Variants in FER observed in about 807,000 individuals in gnomAD.
FER encodes FER tyrosine kinase, also known as tyrosine-protein kinase Fer.
In FER, 63 loss-of-function variants were observed where a neutral mutation model predicts 111.0. The observed-to-expected ratio is 0.57, with a 90% CI of 0.46 to 0.70. The LOEUF is 0.70. Among genes scored for constraint, FER ranks in the 30% least tolerant of loss-of-function variants. The pLI is 0.00. For missense variants in FER, 914 were observed against 954.0 expected, an observed-to-expected ratio of 0.96 and a Z score of 0.55; for synonymous variants, 327 against 313.9, an observed-to-expected ratio of 1.04 and a Z score of -0.44.
At chr5:108,895,021 G>T (rs889092632) in intron 9 of FER, among the ~76,000 whole-genome samples, 2 of 152,086 alleles carry the variant, frequency 1.3e-5, no homozygotes, top group Admixed American at 1.3e-4. Context: ...GATTGTTGTA[G>T]TTAGAGAATC....
At chr5:109,175,273 TTC>T (rs747629458) in intron 17 of FER, among the ~76,000 whole-genome samples, 5 of 152,350 alleles carry the variant, frequency 3.3e-5, no homozygotes, top group Middle Eastern at 3.4e-3. Flanking sequence ...ACTGACTACT[TTC>T]TGTTTAAGTG....
At chr5:109,145,926 T>A (rs978392260) in intron 17 of FER, among the ~76,000 whole-genome samples, 1 of 148,514 alleles carries the variant, frequency 6.7e-6, no homozygotes, top group Non-Finnish European at 1.5e-5. Context: ...TGTTATTATT[T>A]AAAAAAAAAA....
At chr5:109,100,797 A>G (rs1249114286) in intron 17 of FER, among the ~76,000 whole-genome samples, 1 of 151,878 alleles carries the variant, frequency 6.6e-6, no homozygotes, top group Admixed American at 6.6e-5. Context: ...GGAATGTACT[A>G]CAATTTAGTA....
chr5:108,753,155 A>G (rs1580367717), intron 1 of FER, among the ~76,000 whole-genome samples: 1 of 152,152 alleles, frequency 6.6e-6, no homozygotes, highest in East Asian at 1.9e-4. Flanking sequence ...GGAAGTATTC[A>G]GCTTCTGTAT....
chr5:108,817,385 A>G (rs1398896560), intron 3 of FER, among the ~76,000 whole-genome samples: 3 of 152,164 alleles, frequency 2.0e-5, no homozygotes, highest in African/African-American at 4.8e-5. Flanking sequence ...CAAACTCACA[A>G]TAAAAACTGT....
chr5:109,105,252 GT>G (rs1748763263), intron 17 of FER, among the ~76,000 whole-genome samples: 1 of 148,124 alleles, frequency 6.8e-6, no homozygotes, highest in Admixed American at 6.7e-5. Context: ...GTGTGTGTGT[GT>G]GTGTGTGTGT....
Position 109,113,929 on chromosome 5 carries a change from A to G in FER, c.2048+13410A>G, listed in dbSNP as rs191563266. ...ATGTAAGGGAAAAGCCATGGGAAAT[A>G]GGCAACAGATGAAACAAGATTAAAA... On this transcript the variant is annotated intron_variant, in intron 17 of 19. Transcript: ENST00000281092. Among the ~76,000 whole-genome samples the G allele has an allele frequency of 6.2e-4, 94 of 152,288 alleles. 1 individual carries two copies. Among genetic ancestry groups the G allele is most frequent in the Admixed American group, 1.4e-3 (21 of 15,274 alleles).
chr5:109,102,749 G>A (rs1748409016), intron 17 of FER, among the ~76,000 whole-genome samples: 1 of 151,878 alleles, frequency 6.6e-6, no homozygotes, highest in South Asian at 2.1e-4. Context: ...GTGGTCCTTT[G>A]TTCCTCTTCA....
intron 17 of FER, among the ~76,000 whole-genome samples, chr5:109,105,380 T>C (rs1238643507): frequency 6.6e-6 from 1 of 152,050 alleles, no homozygotes; most frequent in Non-Finnish European, 1.5e-5. Context: ...ATTTTTGTAC[T>C]GAAAATGATT....
intron 13 of FER, among the ~76,000 whole-genome samples, chr5:108,999,707 ATT>A (rs35747458): frequency 0.1 from 15,300 of 147,792 alleles, 823 homozygotes; most frequent in Middle Eastern, 0.16. Context: ...CATTCTTACT[ATT>A]TTTTTTTTTT....
At chr5:108,896,102 T>G (rs1749052132) in intron 9 of FER, among the ~76,000 whole-genome samples, 1 of 152,112 alleles carries the variant, frequency 6.6e-6, no homozygotes, top group East Asian at 1.9e-4. Flanking sequence ...TGAAAATATA[T>G]TTTTCCACTT....
chr5:109,177,784 G>T (rs1757866425), intron 17 of FER, among the ~76,000 whole-genome samples: 6 of 152,208 alleles, frequency 3.9e-5, no homozygotes. Context: ...TTTTGGCAGT[G>T]AGCAGCATTT....
intron 17 of FER, among the ~76,000 whole-genome samples, chr5:109,169,283 TAAAG>T (rs1004012948): frequency 1.4e-4 from 22 of 152,074 alleles, no homozygotes; most frequent in Non-Finnish European, 2.2e-4. Context: ...TGAACAAAGA[TAAAG>T]AAAGCTTTCC....
At chr5:108,906,649 TA>T (rs1750815475) in intron 10 of FER, among the ~76,000 whole-genome samples, 2 of 152,140 alleles carry the variant, frequency 1.3e-5, no homozygotes, top group East Asian at 1.9e-4. Flanking sequence ...GCAATTTTTA[TA>T]AAAAATAGTA....
chr5:109,000,856 T>A (rs1191559419), intron 13 of FER, among the ~76,000 whole-genome samples: 1 of 152,034 alleles, frequency 6.6e-6, no homozygotes, highest in African/African-American at 2.4e-5. Context: ...CAAACTACCA[T>A]CATAGAATAC....
At chr5:108,957,810 C>T (rs534713303) in intron 12 of FER, among the ~76,000 whole-genome samples, 2 of 151,544 alleles carry the variant, frequency 1.3e-5, no homozygotes, top group South Asian at 2.1e-4. Flanking sequence ...TTATTCAACT[C>T]TTTTACTCTG....
intron 17 of FER, among the ~76,000 whole-genome samples, chr5:109,153,661 A>G (rs1010174407): frequency 4.0e-5 from 6 of 151,878 alleles, no homozygotes; most frequent in Non-Finnish European, 8.8e-5. Context: ...GCCAGGATCT[A>G]TTCTAAATTT....
intron 17 of FER, among the ~76,000 whole-genome samples, chr5:109,156,696 G>A (rs1478870601): frequency 6.6e-6 from 1 of 152,052 alleles, no homozygotes; most frequent in Non-Finnish European, 1.5e-5. Flanking sequence ...GTAGTCAAAG[G>A]TGGTCTAGTG....
chr5:108,790,813 C>T (rs1755282538), intron 2 of FER, among the ~76,000 whole-genome samples: 2 of 152,184 alleles, frequency 1.3e-5, no homozygotes, highest in Admixed American at 6.5e-5. Context: ...TTCCTAATTT[C>T]ACCCCACATT....
Sources: gnomAD v4.1 joint callset for allele counts (sites outside exome capture counted in the v4.1 genomes callset) on GRCh38, gnomAD v4.1.1 for gene constraint, MANE v1.5 for transcripts, NCBI Gene and HGNC (gene_info 2026-07-23, HGNC 2026-07-21) for gene names.